The following BEST3 variants were observed in gnomAD, a reference collection of about 807,000 sequenced individuals.
The protein encoded by BEST3 is bestrophin 3.
Under a neutral mutation model 47.1 loss-of-function variants are expected in BEST3, and 50 were observed. The ratio of observed to expected loss-of-function variants is 1.06; its 90% CI spans 0.85 to 1.34. The LOEUF (loss-of-function observed/expected upper bound fraction) is 1.34. BEST3 is among the 40% of genes most tolerant of loss of function. BEST3 has a pLI of 0.00. For synonymous variants in BEST3, 282 were observed against 298.8 expected, an observed-to-expected ratio of 0.94 and a Z score of 0.58; for missense variants, 765 against 817.0, an observed-to-expected ratio of 0.94 and a Z score of 0.78.
intron 4 of BEST3, among the ~76,000 whole-genome samples, chr12:69,688,847 T>C (rs1487708068): frequency 1.3e-5 from 2 of 152,234 alleles, no homozygotes; most frequent in Non-Finnish European, 2.9e-5. Flanking sequence ...CATTGATTCC[T>C]GGAGCCCATT....
At chr12:69,690,762 T>A (rs1324789174) in intron 4 of BEST3, among the ~76,000 whole-genome samples, 1 of 152,198 alleles carries the variant, frequency 6.6e-6, no homozygotes, top group African/African-American at 2.4e-5. Flanking sequence ...AGACGGTAAT[T>A]CTTAATCTAT....
At chr12:69,661,131 G>A (rs1883848368) in intron 9 of BEST3, 2 of 152,092 alleles carry the variant, frequency 1.3e-5, no homozygotes, top group South Asian at 4.1e-4. Context: ...AATATAGAAA[G>A]ACAAAAATAG....
chr12:69,676,769 G>T, intron 7 of BEST3, 147 bp downstream of exon 7: 2 of 914,662 alleles, frequency 2.2e-6, no homozygotes, highest in Non-Finnish European at 3.3e-6. Context: ...ATCTCTGGCA[G>T]AAAAGTAATA....
At chr12:69,643,605 A>C (rs899213417) in exon 10 of BEST3, 2 of 570,866 alleles carry the variant, frequency 3.5e-6, no homozygotes, top group East Asian at 6.1e-5. Flanking sequence ...TAAAAAGTGG[A>C]GAATGTTTTT....
At chr12:69,688,695 G>C (rs1885780054) in intron 4 of BEST3, among the ~76,000 whole-genome samples, 1 of 152,118 alleles carries the variant, frequency 6.6e-6, no homozygotes, top group Admixed American at 6.5e-5. Context: ...ATTTCCTTCT[G>C]GCCAGCACTG....
At chr12:69,649,754 A>G (rs1883151178), downstream of BEST3, among the ~76,000 whole-genome samples, 1 of 152,226 alleles carries the variant, frequency 6.6e-6, no homozygotes, top group East Asian at 1.9e-4. Context: ...TGACAACTAA[A>G]ATTATCTCCA....
At position 69,693,891 on chromosome 12, in the gene BEST3, C is replaced by G; in HGVS notation, c.264G>C (p.Leu88=). 6.2e-7 allele frequency: 1 copy of G among 1,609,474 alleles called. No individual in the cohort carries two copies. Reference sequence around the variant, plus strand: ...ACTGGTTCCACCATCGGTTCACTACCAGAGTAACATAAAACCCTGTAGAAT... The same window carrying G: ...ACTGGTTCCACCATCGGTTCACTACGAGAGTAACATAAAACCCTGTAGAAT... ...VTFVLGFYVT[L]VVNRWWNQFV... The change falls in exon 4 of 10, where the codon CTG becomes CTC. Residue 88 remains leucine (L), a synonymous_variant. Coordinates refer to ENST00000330891, the MANE Select transcript of BEST3 (RefSeq NM_032735.3).
intron 2 of BEST3, among the ~76,000 whole-genome samples, chr12:69,696,086 C>G (rs1228508798): frequency 2.0e-5 from 3 of 152,072 alleles, no homozygotes; most frequent in Non-Finnish European, 1.5e-5. Flanking sequence ...GAAACTACAT[C>G]TATATTTTTC....
chr12:69,671,487 G>A lies in BEST3; in HGVS notation c.1041C>T (p.Tyr347=). The A allele has an allele frequency of 2.5e-6, 4 of 1,614,104 alleles. No individual in the cohort carries two copies. In the South Asian group the frequency reaches 3.3e-5, roughly 13 times the overall value. Residue 347 remains tyrosine, a synonymous_variant, in exon 9 of 10, where the codon TAC becomes TAT. Coordinates refer to ENST00000330891, the MANE Select transcript of BEST3 (RefSeq NM_032735.3). Reference sequence around the variant, plus strand: ...TGCAGTAGTCAGCAGCTGCCAATGTGTATGGTGGGCGAGCAGCAGAATCGT... The same window carrying A: ...TGCAGTAGTCAGCAGCTGCCAATGTATATGGTGGGCGAGCAGCAGAATCGT... ...YWDDSAARPP[Y]TLAAADYCIP...
intron 9 of BEST3, among the ~76,000 whole-genome samples, chr12:69,664,906 G>C (rs1214472388): frequency 6.6e-6 from 1 of 152,116 alleles, no homozygotes; most frequent in African/African-American, 2.4e-5. Context: ...TATAAAGTTT[G>C]TAAGATAAAT....
intron 2 of BEST3, among the ~76,000 whole-genome samples, chr12:69,695,418 T>C (rs1886096135): frequency 6.6e-6 from 1 of 152,150 alleles, no homozygotes; most frequent in African/African-American, 2.4e-5. Context: ...AGAGAGCTGT[T>C]GGGAGCTGGT....
Position 69,643,936 on chromosome 12 carries a change from C to T in BEST3, c.1101-149G>A, listed in dbSNP as rs1384996132. The stretch of plus-strand genomic sequence containing the variant: ...AGTGTTCTGAAGCATGGTCCCAGAA[C>T]CTAAAAACCTCACATGTGTACAAAG... On this transcript the variant is annotated intron_variant, in intron 9 of 9. Coordinates refer to the BEST3 transcript ENST00000331471. The T allele has an allele frequency of 6.1e-6, 3 of 490,650 alleles. No homozygotes were observed. In the Admixed American group the frequency reaches 1.1e-4, roughly 18 times the overall value. The allele number at this position is 490,650 out of a possible 1,614,324, so 30.4% of individuals were successfully genotyped here. A position where few individuals can be genotyped will look rare whatever the true frequency, so the allele number is the denominator to read the frequency against.
intron 9 of BEST3, chr12:69,670,372 T>A (rs952408196): frequency 7.3e-6 from 5 of 687,730 alleles, no homozygotes; most frequent in Non-Finnish European, 1.3e-5. Context: ...AAGATGTGCT[T>A]TGCGGGCAAC....
At chr12:69,648,489 G>A (rs1175013749) in intron 9 of BEST3, among the ~76,000 whole-genome samples, 7 of 152,186 alleles carry the variant, frequency 4.6e-5, no homozygotes, top group Non-Finnish European at 1.0e-4. Context: ...GAAATAGTTG[G>A]GATGGGGAAC....
At chr12:69,653,123 CAGG>C, downstream of BEST3, among the ~76,000 whole-genome samples, 1 of 152,294 alleles carries the variant, frequency 6.6e-6, no homozygotes. Flanking sequence ...CATTGCGTAT[CAGG>C]AGGAGTTGGT....
chr12:69,664,225 G>A (rs112389386), intron 9 of BEST3, among the ~76,000 whole-genome samples: 4,763 of 152,270 alleles, frequency 0.031, 109 homozygotes, highest in Middle Eastern at 0.058. Context: ...CTTATAAAAT[G>A]CAATTTTAAA....
At chr12:69,651,989 G>A (rs371947758), downstream of BEST3, among the ~76,000 whole-genome samples, 6 of 152,268 alleles carry the variant, frequency 3.9e-5, no homozygotes, top group African/African-American at 1.4e-4. Context: ...GTCTGGAGTG[G>A]TGGAGGCGAT....
At chr12:69,692,089 A>G (rs903888337) in intron 4 of BEST3, among the ~76,000 whole-genome samples, 2 of 152,230 alleles carry the variant, frequency 1.3e-5, no homozygotes, top group African/African-American at 4.8e-5. Flanking sequence ...TTTCTTCTCA[A>G]ATAAAATGTG....
intron 9 of BEST3, among the ~76,000 whole-genome samples, chr12:69,646,622 C>T (rs193227142): frequency 1.3e-5 from 2 of 152,162 alleles, no homozygotes; most frequent in African/African-American, 4.8e-5. Flanking sequence ...CACCTGGCCC[C>T]TCACCAGCTA....
Sources: allele counts gnomAD v4.1 joint callset (sites outside exome capture counted in the v4.1 genomes callset), GRCh38; gene constraint gnomAD v4.1.1; transcripts MANE v1.5; gene names NCBI Gene and HGNC (gene_info 2026-07-23, HGNC 2026-07-21).